Variants in GGA1 observed in about 807,000 individuals in gnomAD.
GGA1 encodes the protein golgi associated, gamma adaptin ear containing, ARF binding protein 1.
A neutral mutation model predicts 76.9 loss-of-function variants in GGA1; 18 were observed. That is an observed-to-expected ratio of 0.23 (90% CI 0.16 to 0.35). The LOEUF is 0.35. Among genes scored for constraint, GGA1 ranks in the 10% least tolerant of loss-of-function variants. GGA1 has a pLI of 1.00. For synonymous variants in GGA1, 342 were observed against 354.7 expected, an observed-to-expected ratio of 0.96 and a Z score of 0.40; for missense variants, 755 against 859.0, an observed-to-expected ratio of 0.88 and a Z score of 1.51.
In GGA1 at chr22:37,629,446, CCTG is replaced by C; in HGVS notation, c.1094-13_1094-11del. The C allele has an allele frequency of 1.3e-6, 2 of 1,586,434 alleles. No individual in the cohort carries two copies. Among genetic ancestry groups the C allele is most frequent in the Non-Finnish European group, 1.7e-6 (2 of 1,164,580 alleles). On this transcript the variant is annotated splice_polypyrimidine_tract_variant and intron_variant, in intron 11 of 16. Coordinates refer to ENST00000343632, the MANE Select transcript of GGA1 (RefSeq NM_013365.5). ...GTCAGCCCAGCTCCTTCACCTCTCTCCTGCTTTCCCCTCAGGCCTCAGTGACCC... is the reference window on the plus strand; with the variant it reads ...GTCAGCCCAGCTCCTTCACCTCTCTCCTTTCCCCTCAGGCCTCAGTGACCC...
chr22:37,609,262 C>T (rs1337119967), intron 1 of GGA1: 2 of 1,155,552 alleles, frequency 1.7e-6, no homozygotes, highest in Non-Finnish European at 1.1e-6. Context: ...GAGCGGTTCC[C>T]CGGGGTTGCA....
chr22:37,612,289 C>G (rs1375157662), intron 1 of GGA1, among the ~76,000 whole-genome samples: 2 of 150,168 alleles, frequency 1.3e-5, no homozygotes, highest in Non-Finnish European at 3.0e-5. Flanking sequence ...ACAGTGAAAC[C>G]CCGTCTCTAC....
intron 1 of GGA1, chr22:37,609,252 G>C (rs145230869): frequency 1.7e-6 from 2 of 1,170,744 alleles, no homozygotes; most frequent in Non-Finnish European, 2.1e-6. Context: ...AGGAGCACGC[G>C]AGCGGTTCCC....
rs200481824 is a variant in GGA1 at position 37,623,486 on chromosome 22, C to T, written c.750+19C>T. 1 of 1,613,620 alleles carries T rather than the reference C, an allele frequency of 6.2e-7. No individual in the cohort carries two copies. The highest frequency in any genetic ancestry group is 2.2e-5 in the East Asian group (1 of 44,876). ...CATGAAGGTGCACCTGCCTCCCTGC[C>T]TACCCCACTCCCTGCCCACTCCACA... On this transcript the variant is annotated intron_variant, in intron 8 of 16. Coordinates refer to ENST00000343632, the MANE Select transcript of GGA1 (RefSeq NM_013365.5). The surrounding 1 kb of genome is among the most constrained non-coding windows in gnomAD (Gnocchi z 4.6).
rs1016545263 is a variant in GGA1 at position 37,624,908 on chromosome 22, C to G, written c.833-61C>G. On this transcript the variant is annotated intron_variant, in intron 9 of 16. Transcript: ENST00000343632. This position sits in a 1 kb window ranked among gnomAD's most constrained non-coding sequence, Gnocchi z 4.3. ...TGTGATGGATGTGGGGTCCTCGTCC[C>G]CTGCCGCCCAGAGGCCCCCACAGTC... 12 of 1,533,604 alleles carry G rather than the reference C, an allele frequency of 7.8e-6. No homozygotes were observed. The African/African-American group carries it at 1.1e-4, about 14-fold the overall frequency. 95.0% of individuals were successfully genotyped at this position (1,533,604 alleles called of 1,614,324 possible).
chr22:37,617,825 TA>T lies in GGA1; in HGVS notation c.205-617del, dbSNP rs575389300. 6.3e-3 allele frequency: 5,957 copies of T among 940,212 alleles called. 24 individuals are homozygous for T. Among genetic ancestry groups the T allele is most frequent in the Non-Finnish European group, 6.8e-3 (5,360 of 789,020 alleles). The allele number at this position is 940,212 out of a possible 1,614,324, so 58.2% of individuals were successfully genotyped here. A position where few individuals can be genotyped will look rare whatever the true frequency, so the allele number is the denominator to read the frequency against. On this transcript the variant is annotated intron_variant, in intron 3 of 16. Transcript: ENST00000343632. ...AGGTGTTGCCTATATAAGGTTTTTTTAAAAAAGGAAAAATAGGCCGGGCTGG... is the reference window on the plus strand; with the variant it reads ...AGGTGTTGCCTATATAAGGTTTTTTTAAAAAGGAAAAATAGGCCGGGCTGG...
chr22:37,610,514 T>C lies in GGA1; in HGVS notation c.43+1611T>C, dbSNP rs556732439. On this transcript the variant is annotated intron_variant, in intron 1 of 16. Coordinates refer to ENST00000343632, the MANE Select transcript of GGA1 (RefSeq NM_013365.5). ...GCGCCACCACGCCCAGCTATTTTTGTATTTTTAGTACAGGTGGGCTTTCAC... is the reference window on the plus strand; with the variant it reads ...GCGCCACCACGCCCAGCTATTTTTGCATTTTTAGTACAGGTGGGCTTTCAC... 5 of 152,344 alleles carry C rather than the reference T, an allele frequency of 3.3e-5. No individual in the cohort carries two copies. In the East Asian group the frequency reaches 9.7e-4, roughly 29 times the overall value. 9.4% of individuals were successfully genotyped at this position (152,344 alleles called of 1,614,324 possible). A position where few individuals can be genotyped will look rare whatever the true frequency, so the allele number is the denominator to read the frequency against.
At chr22:37,618,681 A>T (rs1024277250) in intron 4 of GGA1, 135 bp downstream of exon 4, 4 of 606,378 alleles carry the variant, frequency 6.6e-6, no homozygotes, top group Non-Finnish European at 1.2e-5. Flanking sequence ...TAGAACTCAG[A>T]CCTAGGAAAA....
At chr22:37,609,211 C>T (rs1926988547) in intron 1 of GGA1, 1 of 1,275,524 alleles carries the variant, frequency 7.8e-7, no homozygotes, top group Non-Finnish European at 1.0e-6. Flanking sequence ...CCCCAAGGCT[C>T]ACATTGCTTC....
intron 2 of GGA1, among the ~76,000 whole-genome samples, chr22:37,616,046 G>A (rs985623929): frequency 5.9e-5 from 9 of 152,024 alleles, no homozygotes; most frequent in Admixed American, 4.6e-4. Context: ...GTTTCACCGT[G>A]TTAGCCAGGA....
In GGA1 at chr22:37,633,314, G is replaced by A. The variant is rs1369534411; in HGVS notation, c.*603G>A. 2.0e-5 allele frequency: 3 copies of A among 152,326 alleles called. No individual in the cohort carries two copies. Among genetic ancestry groups the A allele is most frequent in the Admixed American group, 2.0e-4 (3 of 15,286 alleles). 9.4% of individuals were successfully genotyped at this position (152,326 alleles called of 1,614,324 possible). ...AACCTCACCTGGCCCGTACTCCTGGGGGTTTCCCTTTGCCATTGGGCCCCC... is the reference window on the plus strand; with the variant it reads ...AACCTCACCTGGCCCGTACTCCTGGAGGTTTCCCTTTGCCATTGGGCCCCC... On this transcript the variant is annotated 3_prime_UTR_variant, in exon 17 of 17. Transcript: ENST00000343632.
intron 11 of GGA1, among the ~76,000 whole-genome samples, chr22:37,627,540 A>G (rs951862020): frequency 2.0e-5 from 3 of 152,186 alleles, no homozygotes; most frequent in Non-Finnish European, 4.4e-5. Flanking sequence ...GAACGTTCAT[A>G]CAAGGTTTAT....
In GGA1 at chr22:37,619,846, G is replaced by A. The variant is rs8138231; in HGVS notation, c.304-392G>A. On this transcript the variant is annotated intron_variant, in intron 4 of 16. Coordinates refer to ENST00000343632, the MANE Select transcript of GGA1 (RefSeq NM_013365.5). Reference sequence around the variant, plus strand: ...CTTTCCCCAGCCCAGTTTGCTGCTAGGAGACGGAGAGTAGGCCCAGGGCCT... The same window carrying A: ...CTTTCCCCAGCCCAGTTTGCTGCTAAGAGACGGAGAGTAGGCCCAGGGCCT... 4,244 of 775,996 alleles carry A rather than the reference G, an allele frequency of 5.5e-3. 104 individuals carry two copies. The African/African-American group carries it at 0.056, about 10-fold the overall frequency. The allele number at this position is 775,996 out of a possible 1,614,324, so 48.1% of individuals were successfully genotyped here. A position where few individuals can be genotyped will look rare whatever the true frequency, so the allele number is the denominator to read the frequency against.
chr22:37,615,504 G>A (rs371037158), intron 2 of GGA1, among the ~76,000 whole-genome samples: 12 of 152,154 alleles, frequency 7.9e-5, no homozygotes, highest in African/African-American at 2.9e-4. Context: ...GGTGGCTTAC[G>A]TCTATAATCC....
chr22:37,620,598 T>C (rs1929703380), intron 5 of GGA1, among the ~76,000 whole-genome samples: 1 of 151,924 alleles, frequency 6.6e-6, no homozygotes, highest in African/African-American at 2.4e-5. Context: ...CTCCAGGGAG[T>C]GGCCTCAAAA....
rs1161141093 is a variant in GGA1 at position 37,620,834 on chromosome 22, A to G, written c.449A>G (p.Lys150Arg). 2.0e-5 allele frequency: 32 copies of G among 1,610,410 alleles called. No individual in the cohort carries two copies. Among genetic ancestry groups the G allele is most frequent in the Non-Finnish European group, 2.4e-5 (28 of 1,176,670 alleles). The change falls in exon 6 of 17, where the codon AAG becomes AGG. Residue 150 changes from lysine (K) to arginine (R), a missense_variant. Transcript: ENST00000343632. ...CCAGGGATTGTAAAGTCCGACCCCA[A>G]GCTTCCAGATGACACTACCTTTCCC... ...KKQGIVKSDP[K>R]LPDDTTFPLP...
rs1284687496 is a variant in GGA1, at chr22:37,621,202, T to G, written c.528+289T>G. Among the ~76,000 whole-genome samples, 6 of 152,200 alleles carry G rather than the reference T, an allele frequency of 3.9e-5. No individual in the cohort carries two copies. The East Asian group carries it at 1.2e-3, about 29-fold the overall frequency. On this transcript the variant is annotated intron_variant, in intron 6 of 16. Coordinates refer to ENST00000343632, the MANE Select transcript of GGA1 (RefSeq NM_013365.5). ...TCACTAATTTTTTGTTAAAAGTTAA[T>G]AAAATTAAAACTTGTGGGTGAAAAG... is the stretch of plus-strand genomic sequence containing the variant.
At chr22:37,613,287 G>A (rs1013268477) in intron 1 of GGA1, 25 of 450,942 alleles carry the variant, frequency 5.5e-5, no homozygotes, top group Non-Finnish European at 7.3e-5. Flanking sequence ...GGTCAGAGGT[G>A]TACCAGCTCC....
Position 37,625,056 on chromosome 22 carries a change from C to G in GGA1, c.920C>G (p.Ala307Gly). ...CGGGGTGAGGAGGTCAACGGTGATG[C>G]CACAGCCGGCTCCATCCCTGGTGAG... The part of the protein sequence containing the change: ...LVRGEEVNGD[A>G]TAGSIPGSTS... Residue 307 changes from alanine to glycine, a missense_variant, in exon 10 of 17, where the codon GCC (alanine) becomes GGC (glycine). Transcript: ENST00000343632. The surrounding 1 kb of genome is among the most constrained non-coding windows in gnomAD (Gnocchi z 4.1). 1.9e-6 allele frequency: 3 copies of G among 1,596,956 alleles called. No homozygotes were observed. Among genetic ancestry groups the G allele is most frequent in the South Asian group, 2.3e-5 (2 of 88,354 alleles).
Sources: gnomAD v4.1 joint callset for allele counts (sites outside exome capture counted in the v4.1 genomes callset) on GRCh38, gnomAD v4.1.1 for gene constraint, Gnocchi (gnomAD v3.1) non-coding constraint, MANE v1.5 for transcripts, NCBI Gene and HGNC (gene_info 2026-07-23, HGNC 2026-07-21) for gene names.